The following PIK3R4 variants were observed in gnomAD, a reference collection of about 807,000 sequenced individuals.
PIK3R4 encodes the protein phosphoinositide 3-kinase regulatory subunit 4.
Under a neutral mutation model 136.5 loss-of-function variants are expected in PIK3R4, and 46 were observed. The ratio of observed to expected loss-of-function variants is 0.34; its 90% CI spans 0.27 to 0.43. The LOEUF is 0.43. PIK3R4 is among the 20% of genes least tolerant of loss of function. PIK3R4 has a pLI of 1.00. For synonymous variants in PIK3R4, 557 were observed against 566.7 expected (o/e 0.98, Z 0.24); for missense variants, 1,331 against 1,649.5 (o/e 0.81, Z 3.35).
intron 13 of PIK3R4, among the ~76,000 whole-genome samples, chr3:130,699,032 T>C (rs904860108): frequency 1.1e-4 from 16 of 152,192 alleles, no homozygotes; most frequent in Non-Finnish European, 2.1e-4. Context: ...GCACAGAGTC[T>C]CAAAGCCAGC....
intron 7 of PIK3R4, among the ~76,000 whole-genome samples, chr3:130,719,655 A>C (rs1048330925): frequency 2.0e-5 from 3 of 152,102 alleles, no homozygotes. Context: ...AAGTAGCTAA[A>C]CCCATAACGG....
At chr3:130,744,232 G>C (rs759832512) in intron 2 of PIK3R4, among the ~76,000 whole-genome samples, 2 of 152,186 alleles carry the variant, frequency 1.3e-5, no homozygotes, top group Non-Finnish European at 2.9e-5. Flanking sequence ...TAGCACTTAG[G>C]ACAGTGCCTG....
intron 9 of PIK3R4, among the ~76,000 whole-genome samples, chr3:130,716,075 C>T (rs1319328348): frequency 6.6e-6 from 1 of 152,122 alleles, no homozygotes; most frequent in Non-Finnish European, 1.5e-5. Context: ...TTTGGTAAAA[C>T]ATAGAACTGA....
rs2066855148 is a variant in PIK3R4, at chr3:130,746,573, A to C, written c.-302T>G. The C allele has an allele frequency of 6.6e-6, 1 of 152,210 alleles. No individual in the cohort carries two copies. Among genetic ancestry groups the C allele is most frequent in the Admixed American group, 6.6e-5 (1 of 15,266 alleles). The allele number at this position is 152,210 out of a possible 1,614,324, so 9.4% of individuals were successfully genotyped here. ...GCAGAGAGAAGAAGCCACGCTAAAG[A>C]GTCTCCACAAGTACCCCGGGATTTG... On this transcript the variant is annotated 5_prime_UTR_variant, in exon 1 of 20. Coordinates refer to ENST00000356763, the MANE Select transcript of PIK3R4 (RefSeq NM_014602.3).
At chr3:130,738,352 G>A (rs763593034) in intron 2 of PIK3R4, among the ~76,000 whole-genome samples, 45 of 152,076 alleles carry the variant, frequency 3.0e-4, no homozygotes, top group South Asian at 2.1e-4. Flanking sequence ...ATGTAACTCC[G>A]TTGTAAGTTG....
At chr3:130,703,643 G>T in intron 13 of PIK3R4, 80 bp downstream of exon 13, 1 of 1,038,386 alleles carries the variant, frequency 9.6e-7, no homozygotes, top group Non-Finnish European at 1.4e-6. Context: ...ACCCAAAACA[G>T]TGGTTATTAT....
At chr3:130,740,819 T>A (rs1466472809) in intron 2 of PIK3R4, among the ~76,000 whole-genome samples, 1 of 152,078 alleles carries the variant, frequency 6.6e-6, no homozygotes. Flanking sequence ...TTCATAAGGT[T>A]AGGGAAAAAA....
rs113345662 is a variant in PIK3R4, at chr3:130,692,584, G to A, written c.3099-1930C>T. Among the ~76,000 whole-genome samples the A allele has an allele frequency of 2.2e-3, 336 of 152,162 alleles. 4 individuals carry two copies. The highest frequency in any genetic ancestry group is 7.5e-3 in the African/African-American group (310 of 41,474). On this transcript the variant is annotated intron_variant, in intron 13 of 19. Coordinates refer to ENST00000356763, the MANE Select transcript of PIK3R4 (RefSeq NM_014602.3). ...CCACTGTATGGCTACATCACATTTT[G>A]CTTATCCATTCATCTGCTGATAAAC...
At chr3:130,687,086 T>TTTC (rs397779541) in intron 14 of PIK3R4, among the ~76,000 whole-genome samples, 1 of 151,478 alleles carries the variant, frequency 6.6e-6, no homozygotes, top group African/African-American at 2.4e-5. Context: ...TTTTTTTTTT[T>TTTC]AGCATGAAAC....
intron 9 of PIK3R4, among the ~76,000 whole-genome samples, chr3:130,710,708 TTA>T (rs899572028): frequency 1.3e-5 from 2 of 152,144 alleles, no homozygotes; most frequent in African/African-American, 2.4e-5. Flanking sequence ...TTAATAAATT[TTA>T]TGAGGTTGCC....
intron 5 of PIK3R4, among the ~76,000 whole-genome samples, chr3:130,729,567 C>A (rs992469497): frequency 5.9e-5 from 9 of 152,022 alleles, no homozygotes; most frequent in African/African-American, 2.2e-4. Context: ...CAAGTAATTC[C>A]ATAAAAAAAG....
At chr3:130,744,128 C>A (rs546588976) in intron 2 of PIK3R4, among the ~76,000 whole-genome samples, 4 of 152,350 alleles carry the variant, frequency 2.6e-5, no homozygotes, top group Admixed American at 2.6e-4. Context: ...ATCACCACCA[C>A]AGCAATCAAC....
At chr3:130,682,859 G>A (rs1212295508) in intron 16 of PIK3R4, among the ~76,000 whole-genome samples, 1 of 152,178 alleles carries the variant, frequency 6.6e-6, no homozygotes, top group Non-Finnish European at 1.5e-5. Flanking sequence ...CAAGAAGGCC[G>A]GTCCCATAAA....
chr3:130,684,466 CT>C, intron 15 of PIK3R4, 85 bp from the exon 16 acceptor site: 1 of 1,227,414 alleles, frequency 8.1e-7, no homozygotes, highest in Non-Finnish European at 1.1e-6. Flanking sequence ...ATAGTATTAG[CT>C]TTTTATGAAT....
At position 130,680,718 on chromosome 3, in the gene PIK3R4, A is replaced by G. The variant is rs1414424909; in HGVS notation, c.3801T>C (p.Phe1267=). 1 of 1,585,384 alleles carries G rather than the reference A, an allele frequency of 6.3e-7. No homozygotes were observed. The highest frequency in any genetic ancestry group is 1.3e-5 in the African/African-American group (1 of 74,176). ...LTAGSDMKIR[F]WDLAYPERSY... Reference sequence around the variant, plus strand: ...ACCTTTCTGGGTAAGCCAAGTCCCAAAACCTAGGAAAGAGGAAATAAATGA... The same window carrying G: ...ACCTTTCTGGGTAAGCCAAGTCCCAGAACCTAGGAAAGAGGAAATAAATGA... The change falls in exon 19 of 20, where the codon TTT becomes TTC. Residue 1267 remains phenylalanine (F), a synonymous_variant. Coordinates refer to ENST00000356763, the MANE Select transcript of PIK3R4 (RefSeq NM_014602.3).
intron 15 of PIK3R4, among the ~76,000 whole-genome samples, chr3:130,685,974 A>T (rs891749178): frequency 2.0e-5 from 3 of 152,192 alleles, no homozygotes; most frequent in Admixed American, 6.5e-5. Context: ...AGGCTCATTT[A>T]AGAACAAGGA....
chr3:130,744,717 C>A lies in PIK3R4; in HGVS notation c.502G>T (p.Ala168Ser). Residue 168 changes from alanine (A) to serine (S), a missense_variant, in exon 2 of 20, where the codon GCC becomes TCC. By Grantham distance (99) the Ala-to-Ser change is moderately conservative. This residue lies in a region of PIK3R4 where 151 missense variants were observed against 242.5 expected (regional missense o/e 0.62). Transcript: ENST00000356763. Reference protein sequence around the residue: ...SWNWVLLTDFASFKPTYLPED... With the variant: ...SWNWVLLTDFSSFKPTYLPED... Reference sequence around the variant, plus strand: ...GGAAGATAAGTGGGCTTAAAACTGGCAAAATCAGTTAGAAGAACCCAATTC... The same window carrying A: ...GGAAGATAAGTGGGCTTAAAACTGGAAAAATCAGTTAGAAGAACCCAATTC... 1 of 1,614,190 alleles carries A rather than the reference C, an allele frequency of 6.2e-7. No individual in the cohort carries two copies.
At chr3:130,686,897 G>A (rs2066493751) in intron 14 of PIK3R4, among the ~76,000 whole-genome samples, 1 of 151,984 alleles carries the variant, frequency 6.6e-6, no homozygotes, top group Non-Finnish European at 1.5e-5. Context: ...CCTCAATTTG[G>A]GTTTGTTTGA....
intron 10 of PIK3R4, 36 bp from the exon 11 acceptor site, chr3:130,707,171 T>C: frequency 6.7e-7 from 1 of 1,501,186 alleles, no homozygotes; most frequent in Non-Finnish European, 9.1e-7. Flanking sequence ...AGTCTGAAGG[T>C]AGCCTTTAAA....
Sources: gnomAD v4.1 joint callset for allele counts (sites outside exome capture counted in the v4.1 genomes callset) on GRCh38, gnomAD v4.1.1 for gene constraint, gnomAD v4.1.1 regional missense constraint, MANE v1.5 for transcripts, NCBI Gene and HGNC (gene_info 2026-07-23, HGNC 2026-07-21) for gene names.